Variants in SPIRE1 observed in about 807,000 individuals in gnomAD.
SPIRE1 encodes protein spire homolog 1.
SPIRE1 carries 40 observed loss-of-function variants against 94.1 expected under a neutral mutation model. The ratio of observed to expected loss-of-function variants is 0.43; its 90% CI spans 0.33 to 0.55. The LOEUF (loss-of-function observed/expected upper bound fraction) is 0.55. Ranked by LOEUF, SPIRE1 falls within the 20% of genes least tolerant of loss-of-function variation. The pLI, the probability that SPIRE1 is intolerant of heterozygous loss-of-function variation, is 0.06. For synonymous variants in SPIRE1, 376 were observed against 371.7 expected (o/e 1.01, Z -0.13); for missense variants, 838 against 975.2 (o/e 0.86, Z 1.87).
At chr18:12,481,352 T>C (rs576533577) in intron 9 of SPIRE1, among the ~76,000 whole-genome samples, 239 of 146,130 alleles carry the variant, frequency 1.6e-3, no homozygotes, top group South Asian at 5.4e-3. Flanking sequence ...ACACCTTAAG[T>C]ACGAGAGGTA....
chr18:12,556,554 C>A (rs113255835), intron 2 of SPIRE1, among the ~76,000 whole-genome samples: 7 of 152,160 alleles, frequency 4.6e-5, no homozygotes, highest in African/African-American at 1.7e-4. Flanking sequence ...TGTTCAGATG[C>A]GTCCGGAGTT....
intron 4 of SPIRE1, 129 bp downstream of exon 4, chr18:12,535,347 T>C (rs2034803504): frequency 1.0e-6 from 1 of 988,686 alleles, no homozygotes; most frequent in African/African-American, 1.6e-5. Context: ...AGCACTCATC[T>C]AAAGGATAGT....
At chr18:12,535,672 AC>A in intron 3 of SPIRE1, 71 bp from the exon 4 acceptor site, 2 of 1,446,204 alleles carry the variant, frequency 1.4e-6, no homozygotes, top group Non-Finnish European at 1.9e-6. Flanking sequence ...AAAAACAGAC[AC>A]GAGCAGAGTG....
intron 8 of SPIRE1, among the ~76,000 whole-genome samples, chr18:12,486,763 C>A (rs1252303213): frequency 6.6e-6 from 1 of 152,166 alleles, no homozygotes; most frequent in Non-Finnish European, 1.5e-5. Flanking sequence ...TATGGTGGTC[C>A]TTCCTTATCG....
rs1322280061 is a variant in SPIRE1, at chr18:12,454,406, C to T, written c.1716G>A (p.Lys572=). The T allele has an allele frequency of 1.9e-6, 3 of 1,614,120 alleles. No homozygotes were observed. The highest frequency in any genetic ancestry group is 2.5e-6 in the Non-Finnish European group (3 of 1,179,984). ...EVMHIRQVLV[K]AELEKYQQYK... ...ACTGTTGGTATTTTTCCAGCTCTGC[C>T]TTCACCAGGACCTGGCGAATATGCA... The change falls in exon 13 of 17, where the codon AAG becomes AAA. Residue 572 remains lysine (K), a synonymous_variant. Transcript: ENST00000409402.
At chr18:12,452,934 G>T (rs1198591853) in intron 14 of SPIRE1, 134 bp downstream of exon 14, 3 of 626,128 alleles carry the variant, frequency 4.8e-6, no homozygotes, top group African/African-American at 3.7e-5. Flanking sequence ...TACAAGGATA[G>T]CACAAGGTAA....
chr18:12,515,710 G>A (rs2034175680), intron 4 of SPIRE1, among the ~76,000 whole-genome samples: 1 of 152,120 alleles, frequency 6.6e-6, no homozygotes, highest in Non-Finnish European at 1.5e-5. Flanking sequence ...AAAGGAAGCT[G>A]CTTTGTCAAA....
At chr18:12,662,031 G>C, upstream of SPIRE1, 1 of 269,260 alleles carries the variant, frequency 3.7e-6, no homozygotes, top group South Asian at 3.2e-5. Context: ...TCTTATTCTT[G>C]TAGAATAAGT....
At chr18:12,469,652 T>C (rs1394693196) in intron 10 of SPIRE1, among the ~76,000 whole-genome samples, 1 of 144,284 alleles carries the variant, frequency 6.9e-6, no homozygotes, top group Non-Finnish European at 1.5e-5. Context: ...ATAAATATAT[T>C]ATTTACATAT....
chr18:12,450,737 G>C, intron 16 of SPIRE1: 1 of 673,850 alleles, frequency 1.5e-6, no homozygotes, highest in Non-Finnish European at 2.7e-6. Flanking sequence ...GCCACCGTCT[G>C]GATTCTTCCT....
chr18:12,659,051 A>C (rs2038640421), upstream of SPIRE1, among the ~76,000 whole-genome samples: 1 of 152,218 alleles, frequency 6.6e-6, no homozygotes, highest in African/African-American at 2.4e-5. Context: ...CCTATTAAAT[A>C]TGCAATAAAA....
intron 1 of SPIRE1, among the ~76,000 whole-genome samples, chr18:12,644,870 C>T (rs2038180142): frequency 6.6e-6 from 1 of 152,166 alleles, no homozygotes; most frequent in African/African-American, 2.4e-5. Context: ...AATGCCCCCA[C>T]ATATATTTCT....
chr18:12,474,913 G>C (rs2032505554), intron 10 of SPIRE1, among the ~76,000 whole-genome samples: 1 of 152,096 alleles, frequency 6.6e-6, no homozygotes. Context: ...CTGAGAAGCA[G>C]GAAGAAAAAG....
rs144606203 is a variant in SPIRE1 at position 12,502,731 on chromosome 18, T to C, written c.972+3746A>G. 1.8e-3 allele frequency among the ~76,000 whole-genome samples: 274 copies of C among 152,246 alleles called. 1 individual carries two copies. The highest frequency in any genetic ancestry group is 6.8e-3 in the Middle Eastern group (2 of 294). The stretch of plus-strand genomic sequence containing the variant: ...ATTTGGATGTTCATCATAATATGGA[T>C]TAAAACAATGAAAACTGGAAACCAT... On this transcript the variant is annotated intron_variant, in intron 6 of 16. Coordinates refer to ENST00000409402, the MANE Select transcript of SPIRE1 (RefSeq NM_001128626.2).
intron 2 of SPIRE1, among the ~76,000 whole-genome samples, chr18:12,594,995 G>T (rs897301193): frequency 2.6e-5 from 4 of 152,130 alleles, no homozygotes; most frequent in Admixed American, 6.5e-5. Flanking sequence ...TAAAAATACA[G>T]GTCTGGGTGT....
chr18:12,587,427 T>C (rs569782542), intron 2 of SPIRE1, among the ~76,000 whole-genome samples: 1 of 151,296 alleles, frequency 6.6e-6, no homozygotes, highest in African/African-American at 2.4e-5. Flanking sequence ...TATTGCTAAA[T>C]ATATATTTTA....
intron 2 of SPIRE1, among the ~76,000 whole-genome samples, chr18:12,623,143 T>C (rs1438697676): frequency 6.9e-6 from 1 of 145,250 alleles, no homozygotes; most frequent in African/African-American, 2.5e-5. Context: ...TGTTTTAATT[T>C]TTACAACAAA....
chr18:12,558,366 G>A (rs1266680784), intron 2 of SPIRE1, among the ~76,000 whole-genome samples: 14 of 152,194 alleles, frequency 9.2e-5, no homozygotes, highest in Non-Finnish European at 2.1e-4. Flanking sequence ...GCAGACTTTC[G>A]TGGTGAGTGT....
At chr18:12,489,493 A>G (rs759711526) in intron 8 of SPIRE1, among the ~76,000 whole-genome samples, 48 of 152,214 alleles carry the variant, frequency 3.2e-4, no homozygotes, top group Non-Finnish European at 6.3e-4. Flanking sequence ...TGACATTTAT[A>G]TATTTTCCAA....
Sources: gnomAD v4.1 joint callset for allele counts (sites outside exome capture counted in the v4.1 genomes callset) on GRCh38, gnomAD v4.1.1 for gene constraint, MANE v1.5 for transcripts, NCBI Gene and HGNC (gene_info 2026-07-23, HGNC 2026-07-21) for gene names.